Variants in SEMA6D observed in about 807,000 individuals in gnomAD.
SEMA6D encodes the protein semaphorin 6D.
Under a neutral mutation model 106.6 loss-of-function variants are expected in SEMA6D, and 35 were observed. The observed-to-expected ratio is 0.33, with a 90% CI of 0.25 to 0.44. SEMA6D has a LOEUF of 0.44. Ranked by LOEUF, SEMA6D falls within the 20% of genes least tolerant of loss-of-function variation. The probability of loss-of-function intolerance (pLI) is 1.00; values close to 1 mark genes in which losing one functional copy is unlikely to be tolerated. For synonymous variants in SEMA6D, 499 were observed against 487.7 expected, an observed-to-expected ratio of 1.02 and a Z score of -0.31; for missense variants, 1,185 against 1,345.9, an observed-to-expected ratio of 0.88 and a Z score of 1.87.
intron 17 of SEMA6D, chr15:47,767,503 C>T (rs573748565): frequency 1.3e-5 from 2 of 155,354 alleles, no homozygotes; most frequent in South Asian, 2.1e-4. Context: ...TACACATTTC[C>T]CATAAATGTG....
At chr15:47,220,083 C>T (rs1251626137) in intron 1 of SEMA6D, among the ~76,000 whole-genome samples, 1 of 152,182 alleles carries the variant, frequency 6.6e-6, no homozygotes, top group Non-Finnish European at 1.5e-5. Flanking sequence ...GATGAGCACA[C>T]TGTCACCTCC....
chr15:47,620,064 C>A (rs1214885725), intron 4 of SEMA6D, among the ~76,000 whole-genome samples: 1 of 151,902 alleles, frequency 6.6e-6, no homozygotes, highest in Non-Finnish European at 1.5e-5. Flanking sequence ...AATATGACAC[C>A]CCAGCCTGAA....
intron 1 of SEMA6D, among the ~76,000 whole-genome samples, chr15:47,304,034 C>A (rs2036127324): frequency 6.6e-6 from 1 of 152,148 alleles, no homozygotes; most frequent in Non-Finnish European, 1.5e-5. Flanking sequence ...TTTAAATACA[C>A]CATCTTAGGG....
intron 1 of SEMA6D, among the ~76,000 whole-genome samples, chr15:47,331,607 A>T (rs1035163274): frequency 1.1e-4 from 17 of 151,880 alleles, no homozygotes; most frequent in Non-Finnish European, 2.5e-4. Flanking sequence ...GTGTGGAGAC[A>T]GAATTATTTA....
intron 1 of SEMA6D, among the ~76,000 whole-genome samples, chr15:47,320,361 T>C (rs2036876734): frequency 6.6e-6 from 1 of 152,228 alleles, no homozygotes; most frequent in African/African-American, 2.4e-5. Flanking sequence ...AAAGAGTCTG[T>C]CATTAAGATA....
chr15:47,438,777 T>A (rs1213055459), intron 2 of SEMA6D, among the ~76,000 whole-genome samples: 1 of 151,900 alleles, frequency 6.6e-6, no homozygotes, highest in Admixed American at 6.6e-5. Flanking sequence ...TTCTCCTTCA[T>A]TTTATTTATT....
chr15:47,727,504 G>T (rs553473927), intron 1 of SEMA6D, among the ~76,000 whole-genome samples: 1 of 152,320 alleles, frequency 6.6e-6, no homozygotes, highest in Non-Finnish European at 1.5e-5. Flanking sequence ...CAAGGTGCTA[G>T]ACCTCAGGGC....
chr15:47,283,287 T>A (rs1321387661), intron 1 of SEMA6D, among the ~76,000 whole-genome samples: 1 of 152,164 alleles, frequency 6.6e-6, no homozygotes, highest in Non-Finnish European at 1.5e-5. Flanking sequence ...CATGTGTGTG[T>A]ATATGTTTTT....
At chr15:47,429,781 T>C (rs2041463771) in intron 2 of SEMA6D, among the ~76,000 whole-genome samples, 1 of 152,152 alleles carries the variant, frequency 6.6e-6, no homozygotes, top group Admixed American at 6.5e-5. Flanking sequence ...AAAATGTCTG[T>C]TCTTGTCTGT....
Position 47,663,672 on chromosome 15 carries a change from G to A in SEMA6D, c.-55+62776G>A, listed in dbSNP as rs929187816. ...GAAACGACACCCCTCAGAAGATCCC[G>A]ATGTTTTGTGAATTCGAGGCGCCTG... On this transcript the variant is annotated intron_variant, in intron 4 of 19. Coordinates refer to the SEMA6D transcript ENST00000558014. Among the ~76,000 whole-genome samples, 5 of 152,118 alleles carry A rather than the reference G, an allele frequency of 3.3e-5. No homozygotes were observed. In the South Asian group the frequency reaches 1.0e-3, roughly 32 times the overall value.
At chr15:47,343,870 A>G (rs902982068) in intron 1 of SEMA6D, among the ~76,000 whole-genome samples, 3 of 152,188 alleles carry the variant, frequency 2.0e-5, no homozygotes, top group African/African-American at 4.8e-5. Context: ...AGAATCTACA[A>G]TGAACTCAAA....
At chr15:47,479,865 C>CTT (rs887943372) in intron 3 of SEMA6D, among the ~76,000 whole-genome samples, 1,739 of 126,142 alleles carry the variant, frequency 0.014, 67 homozygotes, top group African/African-American at 0.052. Context: ...TCTTATCATT[C>CTT]TTTTTTTTTT....
intron 1 of SEMA6D, among the ~76,000 whole-genome samples, chr15:47,258,100 T>G (rs930224272): frequency 6.6e-6 from 1 of 152,244 alleles, no homozygotes; most frequent in African/African-American, 2.4e-5. Context: ...GCCATCTTTT[T>G]ATTTTTGATT....
intron 3 of SEMA6D, among the ~76,000 whole-genome samples, chr15:47,552,884 A>T (rs1596306197): frequency 2.0e-4 from 3 of 14,698 alleles, no homozygotes; most frequent in Non-Finnish European, 4.1e-4. Context: ...ATATATAAAT[A>T]TATATAAATA....
chr15:47,746,882 T>A (rs1003552726), intron 1 of SEMA6D, among the ~76,000 whole-genome samples: 5 of 151,840 alleles, frequency 3.3e-5, no homozygotes, highest in Admixed American at 2.0e-4. Context: ...GCTTTCCATT[T>A]CTCTTGTCAT....
At chr15:47,539,415 TTTTG>T (rs1555387488) in intron 3 of SEMA6D, among the ~76,000 whole-genome samples, 50 of 152,048 alleles carry the variant, frequency 3.3e-4, no homozygotes, top group Admixed American at 3.1e-3. Flanking sequence ...CAGTTTTTTT[TTTTG>T]TTTGTTTGTT....
At chr15:47,665,719 A>T (rs935136751) in intron 4 of SEMA6D, among the ~76,000 whole-genome samples, 84 of 152,214 alleles carry the variant, frequency 5.5e-4, no homozygotes, top group African/African-American at 1.9e-3. Flanking sequence ...CTGAGGCAGG[A>T]GAATCACTTG....
In SEMA6D at chr15:47,647,711, A is replaced by G. The variant is rs376313160; in HGVS notation, c.-55+46815A>G. On this transcript the variant is annotated intron_variant, in intron 4 of 19. Coordinates refer to the SEMA6D transcript ENST00000558014. Reference sequence around the variant, plus strand: ...ATTTACAACAGGCATGCCCAATTCAATTGTGGGCAAAAAAAAAAAAAAAAT... The same window carrying G: ...ATTTACAACAGGCATGCCCAATTCAGTTGTGGGCAAAAAAAAAAAAAAAAT... Among the ~76,000 whole-genome samples the G allele has an allele frequency of 6.8e-5, 10 of 147,340 alleles. No individual in the cohort carries two copies. The East Asian group carries it at 1.9e-3, about 29-fold the overall frequency.
chr15:47,751,493 C>T (rs1458915889), intron 1 of SEMA6D, among the ~76,000 whole-genome samples: 1 of 152,104 alleles, frequency 6.6e-6, no homozygotes, highest in Non-Finnish European at 1.5e-5. Flanking sequence ...AAGAGCAGTG[C>T]CCCTGAAATG....
Sources: gnomAD v4.1 joint callset for allele counts (sites outside exome capture counted in the v4.1 genomes callset) on GRCh38, gnomAD v4.1.1 for gene constraint, MANE v1.5 for transcripts, NCBI Gene and HGNC (gene_info 2026-07-23, HGNC 2026-07-21) for gene names.